NCKAP5: variants seen among roughly 807,000 people sequenced by gnomAD.
NCKAP5 encodes the protein nck-associated protein 5.
A neutral mutation model predicts 167.0 loss-of-function variants in NCKAP5; 92 were observed. The observed-to-expected ratio is 0.55, with a 90% CI of 0.47 to 0.66. The LOEUF (loss-of-function observed/expected upper bound fraction) is 0.66. Among genes scored for constraint, NCKAP5 ranks in the 30% least tolerant of loss-of-function variants. NCKAP5 has a pLI of 0.00. For synonymous variants in NCKAP5, 891 were observed against 877.4 expected (o/e 1.02, Z -0.27); for missense variants, 2,378 against 2,315.0 (o/e 1.03, Z -0.56).
In NCKAP5 at chr2:133,497,210, T is replaced by G. The variant is rs148402611; in HGVS notation, c.69+20248A>C. On this transcript the variant is annotated intron_variant, in intron 3 of 19. Transcript: ENST00000409261. ...ACATTTATTTCCCAAATATCAGGAG[T>G]GTCTCATCTACATTCAAGGATAAAG... is the stretch of plus-strand genomic sequence containing the variant. Among the ~76,000 whole-genome samples the G allele has an allele frequency of 7.2e-4, 110 of 152,300 alleles. 1 individual carries two copies. Among genetic ancestry groups the G allele is most frequent in the African/African-American group, 2.4e-3 (101 of 41,558 alleles).
chr2:133,254,705 G>C (rs1485998376), intron 4 of NCKAP5, among the ~76,000 whole-genome samples: 1 of 152,114 alleles, frequency 6.6e-6, no homozygotes, highest in African/African-American at 2.4e-5. Flanking sequence ...ATAGGAGTTT[G>C]GGTGAAGTTA....
intron 1 of NCKAP5, among the ~76,000 whole-genome samples, chr2:133,561,328 A>G (rs1319222290): frequency 6.6e-6 from 1 of 152,072 alleles, no homozygotes; most frequent in African/African-American, 2.4e-5. Flanking sequence ...ACTACTCTCA[A>G]TAACAAAGTA....
intron 11 of NCKAP5, among the ~76,000 whole-genome samples, chr2:132,804,674 T>C (rs1685295082): frequency 1.3e-5 from 2 of 152,144 alleles, no homozygotes; most frequent in African/African-American, 4.8e-5. Context: ...TACCACTTGC[T>C]CTGTGGGGGG....
chr2:133,125,581 T>A (rs2149778969), intron 6 of NCKAP5, among the ~76,000 whole-genome samples: 1 of 152,276 alleles, frequency 6.6e-6, no homozygotes, highest in Middle Eastern at 3.4e-3. Context: ...CACTTTCACA[T>A]CTGGAAAGCA....
chr2:133,654,642 A>G, the NCKAP5 span, among the ~76,000 whole-genome samples: 1 of 152,252 alleles, frequency 6.6e-6, no homozygotes, highest in South Asian at 2.1e-4. Flanking sequence ...TTTGGGGAAA[A>G]TGACTATCGC....
chr2:133,462,684 G>A (rs568286135), intron 3 of NCKAP5, among the ~76,000 whole-genome samples: 1 of 152,044 alleles, frequency 6.6e-6, no homozygotes, highest in Admixed American at 6.6e-5. Flanking sequence ...CTGTAAAATG[G>A]GGAGAATAAT....
intron 6 of NCKAP5, among the ~76,000 whole-genome samples, chr2:133,080,078 A>G (rs1345465852): frequency 6.6e-6 from 1 of 152,148 alleles, no homozygotes. Flanking sequence ...TCCTCAGCAT[A>G]CTTTCCAGAA....
rs752158190 is a variant in NCKAP5 at position 132,785,537 on chromosome 2, C to A, written c.1274G>T (p.Gly425Val). The A allele has an allele frequency of 1.2e-6, 2 of 1,606,942 alleles. No individual in the cohort carries two copies. The highest frequency in any genetic ancestry group is 8.5e-7 in the Non-Finnish European group (1 of 1,176,496). Residue 425 changes from glycine (G) to valine (V), a missense_variant, in exon 14 of 20, where the codon GGT (glycine) becomes GTT (valine). Around this residue, in one of 3 missense-constraint regions of NCKAP5, gnomAD observed 1,049 missense variants for 1,023.4 expected, o/e 1.02. Transcript: ENST00000409261. ...ATTCGAGTTCATGCAATCTTTATAA[C>A]CCCATTTGGTTATCACTGATGGGGG... The part of the protein sequence containing the change: ...LEPPSVITKW[G>V]YKDCMNSNEG...
intron 5 of NCKAP5, among the ~76,000 whole-genome samples, chr2:133,203,916 A>G (rs969485369): frequency 5.3e-5 from 8 of 152,196 alleles, no homozygotes; most frequent in African/African-American, 1.9e-4. Flanking sequence ...CTAGAATTTT[A>G]TCTCTTTACA....
the NCKAP5 span, among the ~76,000 whole-genome samples, chr2:133,630,164 A>G: frequency 2.6e-5 from 4 of 152,186 alleles, no homozygotes; most frequent in East Asian, 5.8e-4. Flanking sequence ...CATTGTTTCA[A>G]AAAGAAAATA....
chr2:133,549,132 A>T (rs368934535), intron 2 of NCKAP5, among the ~76,000 whole-genome samples: 1 of 150,364 alleles, frequency 6.7e-6, no homozygotes, highest in South Asian at 2.1e-4. Context: ...GAGACAAAGA[A>T]GGCCATTACA....
rs370297138 is a variant in NCKAP5, at chr2:132,725,658, C to T, written c.5682G>A (p.Gln1894=). Residue 1894 remains glutamine, a synonymous_variant, in exon 19 of 20, where the codon CAG becomes CAA. Transcript: ENST00000409261. The stretch of plus-strand genomic sequence containing the variant: ...CAGCGCTCTTCAGTGCTTTCACTAA[C>T]TGTCCCCTTCCAGCTCCAAAACCAT... ...GDNGFGAGRG[Q]LVKALKSAAP... 2 of 1,612,182 alleles carry T rather than the reference C, an allele frequency of 1.2e-6. No homozygotes were observed. Among genetic ancestry groups the T allele is most frequent in the Non-Finnish European group, 1.7e-6 (2 of 1,179,228 alleles).
rs565735816 is a variant in NCKAP5, at chr2:133,066,226, T to C, written c.341+63752A>G. The stretch of plus-strand genomic sequence containing the variant: ...AATTAAAGGCTTAATTACCAAACTG[T>C]AGAAGCTATTTAAAAATTATGATTC... On this transcript the variant is annotated intron_variant, in intron 6 of 19. Transcript: ENST00000409261. Among the ~76,000 whole-genome samples, 150 of 152,338 alleles carry C rather than the reference T, an allele frequency of 9.8e-4. 1 individual carries two copies. Among genetic ancestry groups the C allele is most frequent in the Admixed American group, 2.0e-3 (30 of 15,300 alleles).
At chr2:132,878,278 C>T (rs995343283) in intron 9 of NCKAP5, among the ~76,000 whole-genome samples, 24 of 152,184 alleles carry the variant, frequency 1.6e-4, no homozygotes, top group Non-Finnish European at 1.2e-4. Flanking sequence ...TTTACTCATG[C>T]GTATAGCCCT....
chr2:132,680,887 C>G (rs1685134455), intron 19 of NCKAP5, among the ~76,000 whole-genome samples: 1 of 152,112 alleles, frequency 6.6e-6, no homozygotes, highest in Non-Finnish European at 1.5e-5. Flanking sequence ...TTTCCAATGC[C>G]CATTTGAAAA....
chr2:132,862,683 C>G (rs1690006651), intron 10 of NCKAP5, among the ~76,000 whole-genome samples: 1 of 151,442 alleles, frequency 6.6e-6, no homozygotes, highest in South Asian at 2.1e-4. Context: ...TCACTTGAAC[C>G]CAGGAGGCAA....
rs74332355 is a variant in NCKAP5, at chr2:133,501,716, G to A, written c.69+15742C>T. On this transcript the variant is annotated intron_variant, in intron 3 of 19. Coordinates refer to ENST00000409261, the MANE Select transcript of NCKAP5 (RefSeq NM_207363.3). ...CCTGATTTGATTCGTTCTTCTGTTC[G>A]GATCTAACTAGTTAATATTAACAAG... is the stretch of plus-strand genomic sequence containing the variant. Among the ~76,000 whole-genome samples, 480 of 152,234 alleles carry A rather than the reference G, an allele frequency of 3.2e-3. 1 individual carries two copies. The highest frequency in any genetic ancestry group is 5.5e-3 in the Non-Finnish European group (374 of 68,016).
the NCKAP5 span, among the ~76,000 whole-genome samples, chr2:133,641,568 G>A: frequency 1.3e-5 from 2 of 152,220 alleles, no homozygotes; most frequent in African/African-American, 2.4e-5. Flanking sequence ...GTTCCTGCCT[G>A]GCTGTGTCTG....
In NCKAP5 at chr2:132,785,182, G is replaced by A. The variant is rs1245163762; in HGVS notation, c.1629C>T (p.Ser543=). 6.3e-7 allele frequency: 1 copy of A among 1,584,706 alleles called. No homozygotes were observed. ...GGCACAGCTTCATCTCTAAGGGACAGCTGCTGGCGCAACTTGTCAGCTTTT... is the reference window on the plus strand; with the variant it reads ...GGCACAGCTTCATCTCTAAGGGACAACTGCTGGCGCAACTTGTCAGCTTTT... ...RPEKLTSCAS[S]CPLEMKLCPS... The change falls in exon 14 of 20, where the codon AGC becomes AGT. Residue 543 remains serine, a synonymous_variant. Coordinates refer to ENST00000409261, the MANE Select transcript of NCKAP5 (RefSeq NM_207363.3).
Sources: allele counts gnomAD v4.1 joint callset (sites outside exome capture counted in the v4.1 genomes callset), GRCh38; gene constraint gnomAD v4.1.1; regional missense constraint gnomAD v4.1.1; transcripts MANE v1.5; gene names NCBI Gene and HGNC (gene_info 2026-07-23, HGNC 2026-07-21).